CLSTN2: variants seen among roughly 807,000 people sequenced by gnomAD.
CLSTN2 encodes calsyntenin-2.
CLSTN2 carries 48 observed loss-of-function variants against 101.2 expected under a neutral mutation model. The ratio of observed to expected loss-of-function variants is 0.47; its 90% CI spans 0.38 to 0.60. The LOEUF (loss-of-function observed/expected upper bound fraction) is 0.60, where lower values mean the gene tolerates loss of function less well. CLSTN2 is among the 20% of genes least tolerant of loss of function. The probability of loss-of-function intolerance (pLI) is 0.00; values close to 1 mark genes in which losing one functional copy is unlikely to be tolerated. For missense variants in CLSTN2, 1,160 were observed against 1,238.2 expected (o/e 0.94, Z 0.95); for synonymous variants, 481 against 463.6 (o/e 1.04, Z -0.48).
In CLSTN2 at chr3:140,493,227, G is replaced by A. The variant is rs186339952; in HGVS notation, c.1344+26496G>A. Among the ~76,000 whole-genome samples, 39 of 152,186 alleles carry A rather than the reference G, an allele frequency of 2.6e-4. 1 individual carries two copies. Among genetic ancestry groups the A allele is most frequent in the Admixed American group, 9.2e-4 (14 of 15,282 alleles). Reference sequence around the variant, plus strand: ...CACATGGCTTTATCTCAGACACTTCGGGATGAAAATGTGATTTGCCATTTA... The same window carrying A: ...CACATGGCTTTATCTCAGACACTTCAGGATGAAAATGTGATTTGCCATTTA... On this transcript the variant is annotated intron_variant, in intron 8 of 16. Transcript: ENST00000458420.
At chr3:140,093,443 C>T (rs190817102) in intron 1 of CLSTN2, among the ~76,000 whole-genome samples, 1 of 152,262 alleles carries the variant, frequency 6.6e-6, no homozygotes, top group East Asian at 1.9e-4. Context: ...CTCACTTGTA[C>T]CCTGGTTCCT....
chr3:140,249,362 C>T (rs2086542615), intron 2 of CLSTN2, among the ~76,000 whole-genome samples: 1 of 152,154 alleles, frequency 6.6e-6, no homozygotes, highest in Non-Finnish European at 1.5e-5. Context: ...AGCAGTCTGA[C>T]AACATTGTGG....
chr3:140,225,542 G>A (rs1431868986), intron 2 of CLSTN2, among the ~76,000 whole-genome samples: 3 of 152,134 alleles, frequency 2.0e-5, no homozygotes, highest in Non-Finnish European at 4.4e-5. Context: ...TTGTCGCCCA[G>A]GCTGGAGTAC....
chr3:140,321,564 C>A (rs1436065787), intron 2 of CLSTN2, among the ~76,000 whole-genome samples: 1 of 152,112 alleles, frequency 6.6e-6, no homozygotes, highest in Non-Finnish European at 1.5e-5. Flanking sequence ...AATGTAACAC[C>A]CCTGCAAGCT....
intron 8 of CLSTN2, among the ~76,000 whole-genome samples, chr3:140,515,682 G>T (rs1166191851): frequency 6.6e-6 from 1 of 152,030 alleles, no homozygotes; most frequent in South Asian, 2.1e-4. Flanking sequence ...GGTTTTGAGG[G>T]TTCTTTTTGG....
rs536999131 is a variant in CLSTN2 at position 140,483,289 on chromosome 3, T to C, written c.1344+16558T>C. Among the ~76,000 whole-genome samples the C allele has an allele frequency of 2.5e-4, 38 of 152,360 alleles. 1 individual carries two copies. The highest frequency in any genetic ancestry group is 8.9e-4 in the African/African-American group (37 of 41,596). Reference sequence around the variant, plus strand: ...TCTTAATCCTGAGTTCTAGTTTGATTGCACTGTGGTCTGAGAGACAGTTTG... The same window carrying C: ...TCTTAATCCTGAGTTCTAGTTTGATCGCACTGTGGTCTGAGAGACAGTTTG... On this transcript the variant is annotated intron_variant, in intron 8 of 16. Coordinates refer to ENST00000458420, the MANE Select transcript of CLSTN2 (RefSeq NM_022131.3).
At chr3:140,080,178 A>G (rs1050444738) in intron 1 of CLSTN2, among the ~76,000 whole-genome samples, 3 of 152,196 alleles carry the variant, frequency 2.0e-5, no homozygotes, top group Non-Finnish European at 4.4e-5. Flanking sequence ...TGAGAAACCA[A>G]CATTGAACCT....
In CLSTN2 at chr3:140,360,721, C is replaced by A. The variant is rs1054634518; in HGVS notation, c.233-42908C>A. Among the ~76,000 whole-genome samples the A allele has an allele frequency of 3.3e-5, 5 of 151,822 alleles. No individual in the cohort carries two copies. In the South Asian group the frequency reaches 8.3e-4, roughly 25 times the overall value. On this transcript the variant is annotated intron_variant, in intron 2 of 16. Coordinates refer to ENST00000458420, the MANE Select transcript of CLSTN2 (RefSeq NM_022131.3). Reference sequence around the variant, plus strand: ...TAAAACACTGGGGGAATATTAGGAACAATTTTATGCCAATAAATTAAACAA... The same window carrying A: ...TAAAACACTGGGGGAATATTAGGAAAAATTTTATGCCAATAAATTAAACAA...
At position 140,030,180 on chromosome 3, in the gene CLSTN2, A is replaced by G. The variant is rs373278940; in HGVS notation, c.109+94697A>G. ...CTGTTTCCTGTCTGGAGGGCTTGCA[A>G]TGTGCCAGGTGCTGTCCTGGGGACT... On this transcript the variant is annotated intron_variant, in intron 1 of 16. Coordinates refer to ENST00000458420, the MANE Select transcript of CLSTN2 (RefSeq NM_022131.3). Among the ~76,000 whole-genome samples the G allele has an allele frequency of 1.6e-3, 237 of 152,240 alleles. 1 individual carries two copies. The South Asian group carries it at 0.021, about 13-fold the overall frequency.
rs555082751 is a variant in CLSTN2 at position 140,459,649 on chromosome 3, G to A, written c.1102G>A (p.Asp368Asn). Residue 368 changes from aspartate (D) to asparagine (N), a missense_variant, in exon 7 of 17, where the codon GAT becomes AAT. Asp to Asn is a conservative substitution (Grantham distance 23). Coordinates refer to ENST00000458420, the MANE Select transcript of CLSTN2 (RefSeq NM_022131.3). ...CGGCAGGCAGGGTGCCAAAGTCCCC[G>A]ATGGGATTGTGCCCAAGAACCTGAC... ...FDGRQGAKVP[D>N]GIVPKNLTDQ... 6.8e-6 allele frequency: 11 copies of A among 1,614,114 alleles called. No homozygotes were observed. The highest frequency in any genetic ancestry group is 6.7e-5 in the East Asian group (3 of 44,858).
At chr3:140,094,526 T>A (rs1195002295) in intron 1 of CLSTN2, among the ~76,000 whole-genome samples, 4 of 152,088 alleles carry the variant, frequency 2.6e-5, no homozygotes, top group African/African-American at 9.7e-5. Context: ...TTCAAGGAAA[T>A]GAATTTTTAT....
rs1349713278 is a variant in CLSTN2 at position 140,064,719 on chromosome 3, G to A, written c.110-111232G>A. On this transcript the variant is annotated intron_variant, in intron 1 of 16. Coordinates refer to ENST00000458420, the MANE Select transcript of CLSTN2 (RefSeq NM_022131.3). ...AAGCAATAAGCCATAAGTATAAGTA[G>A]AAATTAATGTATTAGAAAAGAGAAT... Among the ~76,000 whole-genome samples the A allele has an allele frequency of 1.3e-5, 2 of 152,106 alleles. 1 individual carries two copies. Among genetic ancestry groups the A allele is most frequent in the African/African-American group, 4.8e-5 (2 of 41,430 alleles).
intron 1 of CLSTN2, among the ~76,000 whole-genome samples, chr3:140,119,458 C>T (rs114490040): frequency 8.5e-5 from 13 of 152,146 alleles, no homozygotes; most frequent in African/African-American, 2.9e-4. Flanking sequence ...TAGTGTAAGC[C>T]GTTAATTATA....
intron 1 of CLSTN2, among the ~76,000 whole-genome samples, chr3:140,047,575 A>C (rs1196582556): frequency 2.0e-5 from 3 of 152,140 alleles, no homozygotes; most frequent in Non-Finnish European, 2.9e-5. Flanking sequence ...TTAATTTATA[A>C]AGAAGGGAAT....
chr3:140,240,211 CACACACACACATAT>C (rs376880287), intron 2 of CLSTN2, among the ~76,000 whole-genome samples: 5,300 of 19,032 alleles, frequency 0.28, 679 homozygotes, highest in East Asian at 0.5. Context: ...CACACACACA[CACACACACACATAT>C]ATATATATGC....
At chr3:140,445,564 A>G (rs1488701507) in intron 5 of CLSTN2, among the ~76,000 whole-genome samples, 2 of 152,144 alleles carry the variant, frequency 1.3e-5, no homozygotes, top group East Asian at 3.9e-4. Flanking sequence ...TTTTCAATGG[A>G]CAGAAAGGGA....
At chr3:140,172,182 T>C (rs2010248569) in intron 1 of CLSTN2, among the ~76,000 whole-genome samples, 2 of 148,636 alleles carry the variant, frequency 1.3e-5, no homozygotes, top group Non-Finnish European at 3.0e-5. Flanking sequence ...TTATTTTGAA[T>C]CTGATGTACC....
At chr3:140,441,865 C>A (rs1024234499) in intron 5 of CLSTN2, among the ~76,000 whole-genome samples, 1 of 152,184 alleles carries the variant, frequency 6.6e-6, no homozygotes, top group African/African-American at 2.4e-5. Context: ...ACACCAGGGC[C>A]CCATGAAGCC....
chr3:140,399,130 C>T (rs1040290822), intron 2 of CLSTN2, among the ~76,000 whole-genome samples: 3 of 152,232 alleles, frequency 2.0e-5, no homozygotes, highest in Non-Finnish European at 2.9e-5. Context: ...GTGTGTTGTC[C>T]ACACACAATT....
Sources: allele counts gnomAD v4.1 joint callset (sites outside exome capture counted in the v4.1 genomes callset), GRCh38; gene constraint gnomAD v4.1.1; transcripts MANE v1.5; gene names NCBI Gene and HGNC (gene_info 2026-07-23, HGNC 2026-07-21).